Variants in RBM34 observed in about 807,000 individuals in gnomAD.
RBM34 encodes the protein RNA binding motif protein 34.
RBM34 carries 39 observed loss-of-function variants against 44.6 expected under a neutral mutation model. The ratio of observed to expected loss-of-function variants is 0.87; its 90% CI spans 0.68 to 1.14. RBM34 has a LOEUF of 1.14. Ranked by LOEUF, RBM34 falls within the 50% of genes most tolerant of loss-of-function variation. RBM34 has a pLI of 0.00. For synonymous variants in RBM34, 194 were observed against 184.0 expected, an observed-to-expected ratio of 1.05 and a Z score of -0.44; for missense variants, 572 against 517.9, an observed-to-expected ratio of 1.10 and a Z score of -1.01.
chr1:235,153,485 G>T (rs1020149612), intron 4 of RBM34, among the ~76,000 whole-genome samples: 10 of 151,600 alleles, frequency 6.6e-5, no homozygotes, highest in Non-Finnish European at 1.3e-4. Context: ...GAGTGCGGTG[G>T]CACGATCTTG....
chr1:235,148,778 T>C (rs1662025015), intron 5 of RBM34, among the ~76,000 whole-genome samples: 1 of 152,010 alleles, frequency 6.6e-6, no homozygotes, highest in East Asian at 2.0e-4. Context: ...TTTTGTATTT[T>C]TAGTAGAGAT....
At chr1:235,158,754 A>C (rs1301487818) in intron 3 of RBM34, among the ~76,000 whole-genome samples, 1 of 152,150 alleles carries the variant, frequency 6.6e-6, no homozygotes, top group East Asian at 1.9e-4. Context: ...AGAAGAGAGG[A>C]ATGAAGACTG....
rs1661182598 is a variant in RBM34, at chr1:235,131,195, C to G, written c.*518G>C. ...AGCACACACGGAGTAAGGTTAAGAG[C>G]AGAGGTTTAATAGGCAAAAGAGAAA... On this transcript the variant is annotated 3_prime_UTR_variant, in exon 11 of 11. Coordinates refer to ENST00000408888, the MANE Select transcript of RBM34 (RefSeq NM_015014.4). 7 of 153,174 alleles carry G rather than the reference C, an allele frequency of 4.6e-5. No individual in the cohort carries two copies. The highest frequency in any genetic ancestry group is 4.5e-4 in the Admixed American group (7 of 15,408). The allele number at this position is 153,174 out of a possible 1,614,324, so 9.5% of individuals were successfully genotyped here.
chr1:235,148,784 G>A (rs1662025367), intron 5 of RBM34, among the ~76,000 whole-genome samples: 1 of 151,868 alleles, frequency 6.6e-6, no homozygotes, highest in Non-Finnish European at 1.5e-5. Flanking sequence ...ATTTTTAGTA[G>A]AGATGCGGTT....
chr1:235,144,132 T>C (rs530909583), intron 6 of RBM34, among the ~76,000 whole-genome samples: 4 of 152,122 alleles, frequency 2.6e-5, no homozygotes, highest in African/African-American at 4.8e-5. Context: ...GCCATTATCG[T>C]GCCACTGAAC....
chr1:235,145,479 C>T (rs1572154511), intron 6 of RBM34, among the ~76,000 whole-genome samples: 2 of 151,958 alleles, frequency 1.3e-5, no homozygotes, highest in Admixed American at 6.6e-5. Flanking sequence ...GGTCTCGCCA[C>T]GCTGCCCAGG....
chr1:235,144,606 G>A (rs1295618162), intron 6 of RBM34, among the ~76,000 whole-genome samples: 3 of 152,108 alleles, frequency 2.0e-5, no homozygotes, highest in Admixed American at 1.3e-4. Flanking sequence ...ACAAGCTAGG[G>A]TGTGGTGGTG....
chr1:235,142,784 C>T (rs777704521), intron 6 of RBM34, among the ~76,000 whole-genome samples: 2 of 151,054 alleles, frequency 1.3e-5, no homozygotes, highest in Non-Finnish European at 3.0e-5. Flanking sequence ...AAAAATGACC[C>T]GAGTGTGGTG....
In RBM34 at chr1:235,160,550, T is replaced by C. The variant is rs753274337; in HGVS notation, c.326A>G (p.Lys109Arg). The C allele has an allele frequency of 8.7e-6, 14 of 1,614,028 alleles. No homozygotes were observed. Among genetic ancestry groups the C allele is most frequent in the Non-Finnish European group, 1.2e-5 (14 of 1,180,032 alleles). ...SQEPAKKVKAKKKHTNAEKKL... is the reference protein window; with the variant it reads ...SQEPAKKVKARKKHTNAEKKL... The stretch of plus-strand genomic sequence containing the variant: ...TTTTTCTGCGTTAGTGTGTTTCTTC[T>C]TCGCTTTCACTTTTTTGGCAGGTTC... The change falls in exon 3 of 11, where the codon AAG becomes AGG. Residue 109 changes from lysine to arginine, a missense_variant. Physicochemically the swap from Lys to Arg is conservative, Grantham distance 26 (BLOSUM62 2). Coordinates refer to ENST00000408888, the MANE Select transcript of RBM34 (RefSeq NM_015014.4).
At chr1:235,136,196 C>A (rs1661422557) in intron 8 of RBM34, 123 bp from the exon 9 acceptor site, 1 of 766,744 alleles carries the variant, frequency 1.3e-6, no homozygotes, top group East Asian at 2.7e-5. Context: ...AATTTAACCA[C>A]ACATCATGTT....
intron 6 of RBM34, among the ~76,000 whole-genome samples, chr1:235,146,577 G>A (rs1179827147): frequency 2.0e-5 from 3 of 152,008 alleles, no homozygotes; most frequent in Non-Finnish European, 2.9e-5. Context: ...ACTTGCCTAG[G>A]GTAGGGAATT....
chr1:235,146,470 G>C (rs1432085279), intron 6 of RBM34, among the ~76,000 whole-genome samples: 1 of 152,164 alleles, frequency 6.6e-6, no homozygotes, highest in Non-Finnish European at 1.5e-5. Context: ...TTAAATACCA[G>C]TGAGTTAAAC....
chr1:235,148,594 A>AT, intron 5 of RBM34, 147 bp from the exon 6 acceptor site: 1 of 511,866 alleles, frequency 2.0e-6, no homozygotes, highest in Non-Finnish European at 3.0e-6. Flanking sequence ...CAACTGTCCT[A>AT]ATTTTTTTTT....
rs1409545798 is a variant in RBM34 at position 235,136,061 on chromosome 1, A to T, written c.862T>A (p.Ser288Thr). The T allele has an allele frequency of 1.3e-6, 2 of 1,599,050 alleles. No individual in the cohort carries two copies. The highest frequency in any genetic ancestry group is 2.7e-5 in the African/African-American group (2 of 74,560). The change falls in exon 9 of 11, where the codon TCG becomes ACG. Residue 288 changes from serine (S) to threonine (T), a missense_variant. Coordinates refer to ENST00000408888, the MANE Select transcript of RBM34 (RefSeq NM_015014.4). ...TAAGGGAGATTCCCCACAAAAACCGATCTCTTGTCTCTCTGAAACAAAAAG... is the reference window on the plus strand; with the variant it reads ...TAAGGGAGATTCCCCACAAAAACCGTTCTCTTGTCTCTCTGAAACAAAAAG... ...ASETSSRDKR[S>T]VFVGNLPYKV... is the part of the protein sequence containing the mutation.
Position 235,131,728 on chromosome 1 carries a change from C to T in RBM34, c.1278G>A (p.Gln426=). The T allele has an allele frequency of 6.3e-7, 1 of 1,587,374 alleles. No individual in the cohort carries two copies. Among genetic ancestry groups the T allele is most frequent in the South Asian group, 1.2e-5 (1 of 86,666 alleles). ...GQKKSGRPKK[Q]RKQK ...TTCCTGGTTGTTATTTCTGTTTTCT[C>T]TGTTTCTTAGGGCGTCCACTTTTCT... Residue 426 remains glutamine, a synonymous_variant, in exon 11 of 11, where the codon CAG becomes CAA. Transcript: ENST00000408888.
chr1:235,138,037 C>G, intron 7 of RBM34, 54 bp downstream of exon 7: 1 of 1,541,258 alleles, frequency 6.5e-7, no homozygotes, highest in Non-Finnish European at 8.9e-7. Flanking sequence ...AAAAAAAGTA[C>G]TCATACATAC....
chr1:235,151,421 T>G (rs1414203335), intron 5 of RBM34, among the ~76,000 whole-genome samples: 1 of 152,196 alleles, frequency 6.6e-6, no homozygotes, highest in Non-Finnish European at 1.5e-5. Context: ...AGACAAAAGA[T>G]ATGTGATAAG....
chr1:235,156,705 G>A (rs1296781441), intron 3 of RBM34: 8 of 433,092 alleles, frequency 1.8e-5, no homozygotes, highest in Admixed American at 1.3e-4. Flanking sequence ...AGGAGTGAGG[G>A]AAGAGAAGAG....
intron 5 of RBM34, among the ~76,000 whole-genome samples, chr1:235,152,157 T>C (rs1279283318): frequency 6.6e-6 from 1 of 152,092 alleles, no homozygotes; most frequent in Non-Finnish European, 1.5e-5. Flanking sequence ...AAAAAAATCA[T>C]GTATGGGAAA....
Sources: gnomAD v4.1 joint callset for allele counts (sites outside exome capture counted in the v4.1 genomes callset) on GRCh38, gnomAD v4.1.1 for gene constraint, MANE v1.5 for transcripts, NCBI Gene and HGNC (gene_info 2026-07-23, HGNC 2026-07-21) for gene names.